Variants in TENM2 observed in about 807,000 individuals in gnomAD.
TENM2 encodes teneurin transmembrane protein 2.
TENM2 carries 52 observed loss-of-function variants against 245.2 expected under a neutral mutation model. The observed-to-expected ratio is 0.21, with a 90% confidence interval of 0.17 to 0.27. TENM2 has a LOEUF of 0.27. Ranked by LOEUF, TENM2 falls within the 10% of genes least tolerant of loss-of-function variation. The pLI is 1.00. For synonymous variants in TENM2, 1,363 were observed against 1,438.9 expected (o/e 0.95, Z 1.19); for missense variants, 3,046 against 3,666.8 (o/e 0.83, Z 4.37).
intron 1 of TENM2, among the ~76,000 whole-genome samples, chr5:167,285,420 A>G (rs867521097): frequency 1.3e-5 from 2 of 152,182 alleles, no homozygotes; most frequent in Non-Finnish European, 2.9e-5. Flanking sequence ...CTACTAAAAT[A>G]TGATGTTAAT....
chr5:167,638,935 TG>T (rs1779386802), intron 2 of TENM2, among the ~76,000 whole-genome samples: 1 of 152,220 alleles, frequency 6.6e-6, no homozygotes, highest in African/African-American at 2.4e-5. Flanking sequence ...GGCTAACACT[TG>T]TCTCTCAGAA....
chr5:167,124,093 C>G, the TENM2 span, among the ~76,000 whole-genome samples: 5 of 152,202 alleles, frequency 3.3e-5, no homozygotes, highest in Admixed American at 1.3e-4. Flanking sequence ...TCATTGCGTT[C>G]AAGTGAGGTG....
chr5:167,593,337 T>A (rs887586187), intron 2 of TENM2, among the ~76,000 whole-genome samples: 2 of 152,234 alleles, frequency 1.3e-5, no homozygotes, highest in African/African-American at 4.8e-5. Flanking sequence ...TCTAAAAGGG[T>A]AATCACCTTG....
At chr5:167,614,759 G>A (rs1005013888) in intron 2 of TENM2, among the ~76,000 whole-genome samples, 5 of 151,992 alleles carry the variant, frequency 3.3e-5, no homozygotes, top group Non-Finnish European at 5.9e-5. Context: ...GGAGAAATGG[G>A]GATTGCTGGG....
chr5:168,076,503 C>A (rs1264974790), intron 7 of TENM2, among the ~76,000 whole-genome samples: 1 of 152,078 alleles, frequency 6.6e-6, no homozygotes, highest in Non-Finnish European at 1.5e-5. Flanking sequence ...GGATTACCGG[C>A]GTGAGCCACT....
At chr5:167,518,973 A>C (rs1406791587) in intron 2 of TENM2, among the ~76,000 whole-genome samples, 2 of 152,130 alleles carry the variant, frequency 1.3e-5, no homozygotes, top group Non-Finnish European at 2.9e-5. Context: ...ATGGTGACTT[A>C]CTTCTTGTAA....
At chr5:166,989,045 A>G in the TENM2 span, among the ~76,000 whole-genome samples, 39 of 152,108 alleles carry the variant, frequency 2.6e-4, no homozygotes, top group African/African-American at 9.2e-4. Flanking sequence ...CAAAATAAAA[A>G]GTACAGGGAA....
intron 2 of TENM2, among the ~76,000 whole-genome samples, chr5:167,636,505 A>G (rs1303743094): frequency 6.6e-6 from 1 of 152,222 alleles, no homozygotes; most frequent in African/African-American, 2.4e-5. Context: ...TCCATGCTTA[A>G]TATTTGTCTG....
the TENM2 span, among the ~76,000 whole-genome samples, chr5:167,215,344 C>G: frequency 6.6e-6 from 1 of 152,166 alleles, no homozygotes; most frequent in African/African-American, 2.4e-5. Flanking sequence ...TTTGGTGACT[C>G]TAACGTGCGG....
intron 2 of TENM2, among the ~76,000 whole-genome samples, chr5:167,659,546 T>C (rs1755068773): frequency 6.6e-6 from 1 of 152,228 alleles, no homozygotes; most frequent in African/African-American, 2.4e-5. Flanking sequence ...AATGTAGAAC[T>C]GCAATGAGTT....
chr5:167,623,485 A>G (rs968506972), intron 2 of TENM2, among the ~76,000 whole-genome samples: 27 of 152,220 alleles, frequency 1.8e-4, no homozygotes, highest in Middle Eastern at 6.8e-3. Context: ...CATTCTTACA[A>G]TCTTGCTGTC....
chr5:167,114,339 G>A, the TENM2 span, among the ~76,000 whole-genome samples: 1 of 152,154 alleles, frequency 6.6e-6, no homozygotes, highest in Admixed American at 6.5e-5. Context: ...AGCAGGAAAG[G>A]TGGATCTAAC....
the TENM2 span, among the ~76,000 whole-genome samples, chr5:167,078,831 A>G: frequency 1.3e-5 from 2 of 152,202 alleles, no homozygotes; most frequent in African/African-American, 4.8e-5. Context: ...GGTCAATACA[A>G]TACAACTCTT....
chr5:167,652,159 C>T (rs79095735), intron 2 of TENM2, among the ~76,000 whole-genome samples: 5,049 of 152,192 alleles, frequency 0.033, 162 homozygotes, highest in East Asian at 0.19. Context: ...ATGCCAAGAG[C>T]GAGGAATCAT....
intron 1 of TENM2, among the ~76,000 whole-genome samples, chr5:167,355,543 G>A (rs767919689): frequency 7.9e-4 from 120 of 152,322 alleles, no homozygotes; most frequent in Non-Finnish European, 1.6e-3. Context: ...TTGTGACACA[G>A]GAATAGCAGA....
At chr5:167,891,978 A>C (rs1193304824) in intron 3 of TENM2, among the ~76,000 whole-genome samples, 1 of 152,126 alleles carries the variant, frequency 6.6e-6, no homozygotes, top group Admixed American at 6.5e-5. Context: ...AAAGATTCCA[A>C]CTTTTACAAA....
the TENM2 span, among the ~76,000 whole-genome samples, chr5:167,119,293 C>T: frequency 4.6e-5 from 7 of 152,098 alleles, no homozygotes; most frequent in African/African-American, 1.7e-4. Context: ...GCACTTTCTA[C>T]GTGGTGGTGA....
intron 2 of TENM2, among the ~76,000 whole-genome samples, chr5:167,805,233 T>G (rs1319401791): frequency 6.6e-6 from 1 of 150,892 alleles, no homozygotes; most frequent in Non-Finnish European, 1.5e-5. Context: ...TTCCATTCAA[T>G]TGTTTCATGT....
chr5:167,257,610 G>A, the TENM2 span, among the ~76,000 whole-genome samples: 5,738 of 149,022 alleles, frequency 0.039, 332 homozygotes, highest in African/African-American at 0.14. Flanking sequence ...AAAAAAAAAA[G>A]TGGAGAACTT....
Sources: gnomAD v4.1 joint callset for allele counts (sites outside exome capture counted in the v4.1 genomes callset) on GRCh38, gnomAD v4.1.1 for gene constraint, MANE v1.5 for transcripts, NCBI Gene and HGNC (gene_info 2026-07-23, HGNC 2026-07-21) for gene names.